PLCH2: variants seen among roughly 807,000 people sequenced by gnomAD.
PLCH2 encodes the protein 1-phosphatidylinositol 4,5-bisphosphate phosphodiesterase eta-2.
Under a neutral mutation model 134.7 loss-of-function variants are expected in PLCH2, and 98 were observed. The ratio of observed to expected loss-of-function variants is 0.73; its 90% CI spans 0.62 to 0.86. The LOEUF (loss-of-function observed/expected upper bound fraction) is 0.86, where lower values mean the gene tolerates loss of function less well. PLCH2 is among the 40% of genes least tolerant of loss of function. PLCH2 has a pLI of 0.00. For synonymous variants in PLCH2, 974 were observed against 827.5 expected, an observed-to-expected ratio of 1.18 and a Z score of -3.04; for missense variants, 1,994 against 1,986.6, an observed-to-expected ratio of 1.00 and a Z score of -0.07.
chr1:2,422,297 T>C (rs1027429680), upstream of PLCH2, among the ~76,000 whole-genome samples: 1 of 150,448 alleles, frequency 6.6e-6, no homozygotes, highest in African/African-American at 2.4e-5. Context: ...CAAAAACCCA[T>C]AAACTAATGA....
intron 11 of PLCH2, chr1:2,492,407 T>A (rs1642636154): frequency 6.6e-6 from 1 of 152,234 alleles, no homozygotes; most frequent in African/African-American, 2.4e-5. Context: ...GGCAGCCAGC[T>A]GGGCCTGTGC....
intron 5 of PLCH2, 51 bp downstream of exon 5, chr1:2,484,669 C>T (rs960249896): frequency 5.4e-5 from 85 of 1,582,252 alleles, no homozygotes; most frequent in Non-Finnish European, 7.0e-5. Context: ...GCCTCGCCTT[C>T]TGTTCTGAGC....
chr1:2,485,038 T>C (rs1642216085), intron 5 of PLCH2, among the ~76,000 whole-genome samples: 1 of 152,060 alleles, frequency 6.6e-6, no homozygotes, highest in African/African-American at 2.4e-5. Flanking sequence ...GACCTGCCCC[T>C]GTGTTCCAGC....
intron 2 of PLCH2, among the ~76,000 whole-genome samples, chr1:2,434,969 G>A (rs913012750): frequency 6.8e-6 from 1 of 148,110 alleles, no homozygotes; most frequent in Non-Finnish European, 1.5e-5. Context: ...CCCAGAGCTG[G>A]CTTCTCAGGG....
chr1:2,504,597 G>A lies in PLCH2; in HGVS notation c.3635G>A (p.Arg1212Gln), dbSNP rs777108618. 5.0e-6 allele frequency: 8 copies of A among 1,612,720 alleles called. No homozygotes were observed. The highest frequency in any genetic ancestry group is 3.3e-5 in the Admixed American group (2 of 60,032). Residue 1212 changes from arginine (R) to glutamine (Q), a missense_variant, in exon 22 of 22, where the codon CGG (arginine) becomes CAG (glutamine). Coordinates refer to ENST00000378486, the MANE Select transcript of PLCH2 (RefSeq NM_014638.4). ...SNPNLRATGQ[R>Q]PPIPDELQPR... ...CCCAACCTTCGGGCTACAGGCCAGC[G>A]GCCTCCCATACCTGACGAACTGCAG... is the stretch of plus-strand genomic sequence containing the variant.
At chr1:2,429,413 G>C (rs1259460802) in intron 1 of PLCH2, among the ~76,000 whole-genome samples, 2 of 152,182 alleles carry the variant, frequency 1.3e-5, no homozygotes, top group Non-Finnish European at 2.9e-5. Flanking sequence ...TGAGGGGCAG[G>C]CACCAAGGAA....
chr1:2,504,958 T>G lies in PLCH2; in HGVS notation c.3996T>G (p.Pro1332=). The G allele has an allele frequency of 6.4e-7, 1 of 1,558,476 alleles. No individual in the cohort carries two copies. ...CTGGGGAGGGGGTGGCAGGGGGCCC[T>G]GGTTTTGTGCGGCGCTCCTCCTCCC... ...GPAGEGVAGG[P]GFVRRSSSRS... Residue 1332 remains proline, a synonymous_variant, in exon 22 of 22, where the codon CCT becomes CCG. Transcript: ENST00000378486.
At chr1:2,423,884 G>A (rs1353210886), upstream of PLCH2, among the ~76,000 whole-genome samples, 3 of 152,072 alleles carry the variant, frequency 2.0e-5, no homozygotes, top group African/African-American at 7.2e-5. Flanking sequence ...AGCCCACCTC[G>A]TCGTGACGCT....
At chr1:2,499,953 G>A in intron 20 of PLCH2, 2 of 600,566 alleles carry the variant, frequency 3.3e-6, no homozygotes, top group Non-Finnish European at 6.0e-6. Context: ...TCTCGGGCAG[G>A]ACAGGTCCTG....
intron 16 of PLCH2, chr1:2,497,870 CAT>C (rs532984278): frequency 1.9e-4 from 88 of 460,460 alleles, no homozygotes; most frequent in Admixed American, 3.8e-4. Flanking sequence ...CTGGGCCCCA[CAT>C]GAGATTCATG....
At chr1:2,469,223 C>T (rs183786252) in intron 1 of PLCH2, among the ~76,000 whole-genome samples, 267 of 152,328 alleles carry the variant, frequency 1.8e-3, no homozygotes, top group Non-Finnish European at 2.7e-3. Flanking sequence ...CTGCTGTGGA[C>T]AGGGGCTGGC....
In PLCH2 at chr1:2,448,079, C is replaced by A. The variant is rs1640022937; in HGVS notation, c.115+17450C>A. ...TCCCTGGTCGTGGCCTCCAGGCAGC[C>A]AAACCCAGGCAAAGGTGACCCTTGT... On this transcript the variant is annotated intron_variant, in intron 2 of 3. Coordinates refer to the PLCH2 transcript ENST00000609981. The surrounding 1 kb of genome is among the most constrained non-coding windows in gnomAD (Gnocchi z 4.0). 6.6e-6 allele frequency among the ~76,000 whole-genome samples: 1 copy of A among 152,188 alleles called. No homozygotes were observed. The highest frequency in any genetic ancestry group is 1.5e-5 in the Non-Finnish European group (1 of 68,026).
chr1:2,419,142 GC>G, the PLCH2 span, among the ~76,000 whole-genome samples: 1 of 152,278 alleles, frequency 6.6e-6, no homozygotes, highest in East Asian at 1.9e-4. Flanking sequence ...CCTGCGTGGG[GC>G]CCGTCCCAGG....
chr1:2,458,993 C>T (rs1640636725), intron 2 of PLCH2, among the ~76,000 whole-genome samples: 1 of 152,256 alleles, frequency 6.6e-6, no homozygotes, highest in Non-Finnish European at 1.5e-5. Context: ...CGTGGCTGCT[C>T]CTGGGCACTC....
chr1:2,445,457 G>T (rs1390370659), intron 2 of PLCH2, among the ~76,000 whole-genome samples: 1 of 151,134 alleles, frequency 6.6e-6, no homozygotes, highest in Non-Finnish European at 1.5e-5. Flanking sequence ...TAGAAGACTC[G>T]GGGCTCGGGG....
chr1:2,491,144 C>T (rs377522438), intron 10 of PLCH2, 48 bp from the exon 11 acceptor site: 31 of 1,569,496 alleles, frequency 2.0e-5, no homozygotes, highest in Admixed American at 9.1e-5. Flanking sequence ...TGCCACTACT[C>T]GCAGGGCTCG....
intron 2 of PLCH2, among the ~76,000 whole-genome samples, chr1:2,445,168 G>A (rs1050948944): frequency 6.6e-6 from 1 of 152,150 alleles, no homozygotes; most frequent in African/African-American, 2.4e-5. Flanking sequence ...AGGGTCTGGG[G>A]TCTGGAAAGG....
chr1:2,477,930 GGGGGCA>G, intron 1 of PLCH2, among the ~76,000 whole-genome samples: 1 of 152,354 alleles, frequency 6.6e-6, no homozygotes, highest in Admixed American at 6.5e-5. Context: ...GGCCAGGGGC[GGGGGCA>G]GGGGCATGGG....
intron 2 of PLCH2, among the ~76,000 whole-genome samples, chr1:2,450,836 C>T (rs969586613): frequency 6.0e-5 from 9 of 149,866 alleles, no homozygotes; most frequent in African/African-American, 2.0e-4. Context: ...CTCAAATCCC[C>T]ACCTGTCCGC....
Sources: allele counts gnomAD v4.1 joint callset (sites outside exome capture counted in the v4.1 genomes callset), GRCh38; gene constraint gnomAD v4.1.1; non-coding constraint Gnocchi (gnomAD v3.1); transcripts MANE v1.5; gene names NCBI Gene and HGNC (gene_info 2026-07-23, HGNC 2026-07-21).